SLC25A26: variants seen among roughly 807,000 people sequenced by gnomAD.
SLC25A26 encodes mitochondrial S-adenosylmethionine carrier protein.
SLC25A26 carries 36 observed loss-of-function variants against 37.8 expected under a neutral mutation model. The observed-to-expected ratio is 0.95, with a 90% confidence interval of 0.73 to 1.26. The LOEUF is 1.26. Ranked by LOEUF, SLC25A26 falls within the 50% of genes most tolerant of loss-of-function variation. The pLI, the probability that SLC25A26 is intolerant of heterozygous loss-of-function variation, is 0.00. For synonymous variants in SLC25A26, 129 were observed against 122.5 expected (o/e 1.05, Z -0.35); for missense variants, 390 against 331.1 (o/e 1.18, Z -1.38).
At chr3:66,246,470 G>T (rs782103499) in intron 3 of SLC25A26, among the ~76,000 whole-genome samples, 2 of 152,154 alleles carry the variant, frequency 1.3e-5, no homozygotes, top group Non-Finnish European at 2.9e-5. Context: ...TTTATATTCT[G>T]ATGCTCCTAG....
chr3:66,293,614 C>T (rs1049920123), intron 5 of SLC25A26, among the ~76,000 whole-genome samples: 9 of 151,818 alleles, frequency 5.9e-5, no homozygotes, highest in East Asian at 3.9e-4. Flanking sequence ...TCATTTAGCT[C>T]GCAATTATAA....
intron 1 of SLC25A26, among the ~76,000 whole-genome samples, chr3:66,141,801 A>G (rs1033206883): frequency 2.0e-5 from 3 of 152,248 alleles, no homozygotes; most frequent in Non-Finnish European, 4.4e-5. Flanking sequence ...GGCGTGGGCC[A>G]CTGCGCCGGT....
In SLC25A26 at chr3:66,378,705, A is replaced by AT. The variant is rs1244797083; in HGVS notation, c.*902dup. ...CCCTGGAGCAAACAAACAGTATGTG[A>AT]TTTTGCTTCGCCTATTTTTTTTTTC... On this transcript the variant is annotated 3_prime_UTR_variant, in exon 10 of 10. Coordinates refer to ENST00000354883, the MANE Select transcript of SLC25A26 (RefSeq NM_001379210.1). 6.6e-6 allele frequency: 1 copy of AT among 152,532 alleles called. No homozygotes were observed. The highest frequency in any genetic ancestry group is 2.4e-5 in the African/African-American group (1 of 41,426). 9.4% of individuals were successfully genotyped at this position (152,532 alleles called of 1,614,324 possible).
chr3:66,221,194 T>A, intron 1 of SLC25A26, 67 bp downstream of exon 1: 1 of 1,438,190 alleles, frequency 7.0e-7, no homozygotes, highest in Non-Finnish European at 9.2e-7. Flanking sequence ...CCGCGGGCGT[T>A]CTCTGCACTG....
intron 1 of SLC25A26, among the ~76,000 whole-genome samples, chr3:66,142,611 T>G (rs1263517297): frequency 2.0e-5 from 3 of 152,188 alleles, no homozygotes; most frequent in Non-Finnish European, 4.4e-5. Flanking sequence ...TACTATCAGT[T>G]TACACCCCTT....
rs149855316 is a variant in SLC25A26 at position 66,373,722 on chromosome 3, T to A, written c.707+3120T>A. Among the ~76,000 whole-genome samples, 163 of 152,246 alleles carry A rather than the reference T, an allele frequency of 1.1e-3. 3 individuals are homozygous for A. In the East Asian group the frequency reaches 0.017, roughly 16 times the overall value. Reference sequence around the variant, plus strand: ...AGTGTAGTTTGGTTTTCAATACAATTTTCATGGTTATTTTTGGACAAGTAA... The same window carrying A: ...AGTGTAGTTTGGTTTTCAATACAATATTCATGGTTATTTTTGGACAAGTAA... On this transcript the variant is annotated intron_variant, in intron 9 of 9. Coordinates refer to ENST00000354883, the MANE Select transcript of SLC25A26 (RefSeq NM_001379210.1).
chr3:66,170,843 G>A (rs1354430126), intron 1 of SLC25A26, among the ~76,000 whole-genome samples: 7 of 109,816 alleles, frequency 6.4e-5, no homozygotes, highest in African/African-American at 2.2e-4. Context: ...TCGCTCTGTC[G>A]CCCAGGCTGG....
At chr3:66,369,330 A>G in intron 7 of SLC25A26, 148 bp from the exon 8 acceptor site, 1 of 657,532 alleles carries the variant, frequency 1.5e-6, no homozygotes, top group Non-Finnish European at 2.7e-6. Flanking sequence ...AAGCGTGTGG[A>G]TAAAGATTGT....
intron 1 of SLC25A26, among the ~76,000 whole-genome samples, chr3:66,228,707 C>T (rs879757300): frequency 6.6e-5 from 10 of 152,152 alleles, no homozygotes; most frequent in African/African-American, 9.7e-5. Context: ...GTTTACTGAG[C>T]ACTTTAAAAG....
intron 2 of SLC25A26, among the ~76,000 whole-genome samples, chr3:66,242,858 CATA>C (rs1449083064): frequency 6.6e-6 from 1 of 152,154 alleles, no homozygotes; most frequent in East Asian, 1.9e-4. Context: ...TATGGCCATC[CATA>C]ATGATATTTT....
intron 8 of SLC25A26, 111 bp from the exon 9 acceptor site, chr3:66,370,418 T>G: frequency 2.3e-6 from 2 of 877,798 alleles, no homozygotes; most frequent in East Asian, 2.6e-5. Context: ...TATCTGACAC[T>G]GTGTTCTAGA....
At chr3:66,212,008 G>A (rs2071290519) in intron 1 of SLC25A26, among the ~76,000 whole-genome samples, 1 of 152,212 alleles carries the variant, frequency 6.6e-6, no homozygotes, top group Non-Finnish European at 1.5e-5. Flanking sequence ...GTTACCGAGT[G>A]AACCGAACCG....
chr3:66,372,167 A>G (rs748551909), intron 9 of SLC25A26, among the ~76,000 whole-genome samples: 1 of 152,242 alleles, frequency 6.6e-6, no homozygotes, highest in East Asian at 1.9e-4. Flanking sequence ...AGTCACATTC[A>G]GTGGCTTTTT....
intron 5 of SLC25A26, among the ~76,000 whole-genome samples, chr3:66,312,848 C>G (rs1427573226): frequency 2.6e-5 from 4 of 152,180 alleles, no homozygotes; most frequent in African/African-American, 9.7e-5. Flanking sequence ...TAACCAGTCC[C>G]ATTGAGATGA....
intron 9 of SLC25A26, among the ~76,000 whole-genome samples, chr3:66,376,265 A>T (rs1700644949): frequency 6.6e-6 from 1 of 152,150 alleles, no homozygotes; most frequent in Admixed American, 6.5e-5. Context: ...ATATTTCATC[A>T]ATTTAGTTGA....
chr3:66,270,203 C>T (rs532125928), intron 5 of SLC25A26, among the ~76,000 whole-genome samples: 1 of 152,058 alleles, frequency 6.6e-6, no homozygotes, highest in South Asian at 2.1e-4. Context: ...CTTCTTAAAC[C>T]TTGAAAAAGT....
At chr3:66,341,297 A>G (rs376541338) in intron 5 of SLC25A26, among the ~76,000 whole-genome samples, 1 of 152,256 alleles carries the variant, frequency 6.6e-6, no homozygotes, top group African/African-American at 2.4e-5. Context: ...GTCAGTGTCA[A>G]ATATTTAAAT....
chr3:66,145,508 G>C (rs2070101979), intron 1 of SLC25A26, among the ~76,000 whole-genome samples: 1 of 152,208 alleles, frequency 6.6e-6, no homozygotes, highest in Non-Finnish European at 1.5e-5. Flanking sequence ...ATAGGGGACA[G>C]GGTCCCAAAT....
intron 3 of SLC25A26, among the ~76,000 whole-genome samples, chr3:66,255,529 G>T (rs1426170531): frequency 6.7e-6 from 1 of 149,962 alleles, no homozygotes; most frequent in African/African-American, 2.5e-5. Context: ...AACCTTAGTA[G>T]TTCTTGTTTT....
Sources: allele counts gnomAD v4.1 joint callset (sites outside exome capture counted in the v4.1 genomes callset), GRCh38; gene constraint gnomAD v4.1.1; transcripts MANE v1.5; gene names NCBI Gene and HGNC (gene_info 2026-07-23, HGNC 2026-07-21).